The following DMXL1 variants were observed in gnomAD, a reference collection of about 807,000 sequenced individuals.
DMXL1 encodes Dmx like 1, also known as dmX-like protein 1.
A neutral mutation model predicts 319.2 loss-of-function variants in DMXL1; 99 were observed. The observed-to-expected ratio is 0.31, with a 90% confidence interval of 0.26 to 0.37. DMXL1 has a LOEUF of 0.37. DMXL1 is among the 10% of genes least tolerant of loss of function. The pLI, the probability that DMXL1 is intolerant of heterozygous loss-of-function variation, is 1.00. For synonymous variants in DMXL1, 1,385 were observed against 1,235.2 expected, an observed-to-expected ratio of 1.12 and a Z score of -2.54; for missense variants, 3,745 against 3,595.6, an observed-to-expected ratio of 1.04 and a Z score of -1.06.
chr5:119,238,843 C>A, intron 40 of DMXL1, 146 bp from the exon 41 acceptor site: 1 of 1,422,348 alleles, frequency 7.0e-7, no homozygotes, highest in Non-Finnish European at 9.2e-7. Flanking sequence ...ATTACTTTTA[C>A]AATTTTTCTA....
At chr5:119,119,859 T>A (rs1761656431) in intron 8 of DMXL1, among the ~76,000 whole-genome samples, 1 of 149,912 alleles carries the variant, frequency 6.7e-6, no homozygotes, top group South Asian at 2.1e-4. Flanking sequence ...TTTTGTGGAT[T>A]TTTTTTTTGG....
intron 1 of DMXL1, among the ~76,000 whole-genome samples, chr5:119,095,147 G>C (rs1487525887): frequency 6.6e-6 from 1 of 152,254 alleles, no homozygotes; most frequent in South Asian, 2.1e-4. Context: ...GAGCCACCAT[G>C]CTCAGCCAAG....
At chr5:119,211,809 A>C (rs1472296771) in intron 34 of DMXL1, among the ~76,000 whole-genome samples, 1 of 152,202 alleles carries the variant, frequency 6.6e-6, no homozygotes, top group Non-Finnish European at 1.5e-5. Context: ...CCAGGGTCTC[A>C]GTCACTTTTT....
intron 23 of DMXL1, 118 bp downstream of exon 23, chr5:119,167,982 A>C (rs1367179010): frequency 1.0e-6 from 1 of 1,001,196 alleles, no homozygotes; most frequent in Admixed American, 3.8e-5. Context: ...TGGTCTTTAT[A>C]ACAGTTTTTG....
chr5:119,171,152 C>T lies in DMXL1; in HGVS notation c.6361C>T (p.Gln2121Ter). The change falls in exon 24 of 44, where the codon CAG becomes TAG. Residue 2121 changes from glutamine (Q) to a stop codon, truncating the protein, a stop_gained. Transcript: ENST00000539542. LOFTEE classifies it high-confidence loss of function. ...QLRENFQEKR[Q>*]WLLKYQSLLR... Reference sequence around the variant, plus strand: ...GAGAGAAAATTTTCAGGAAAAAAGACAGTGGCTCTTGAAGTATCAGTCACT... The same window carrying T: ...GAGAGAAAATTTTCAGGAAAAAAGATAGTGGCTCTTGAAGTATCAGTCACT... 1 of 1,613,974 alleles carries T rather than the reference C, an allele frequency of 6.2e-7. No individual in the cohort carries two copies. Among genetic ancestry groups the T allele is most frequent in the Non-Finnish European group, 8.5e-7 (1 of 1,179,896 alleles).
chr5:119,167,522 C>G (rs1773676631), intron 22 of DMXL1, 81 bp from the exon 23 acceptor site: 1 of 1,127,624 alleles, frequency 8.9e-7, no homozygotes, highest in African/African-American at 1.6e-5. Flanking sequence ...TTATATTTTT[C>G]TAGTTATTAG....
At chr5:119,159,462 T>C (rs1771787232) in intron 19 of DMXL1, among the ~76,000 whole-genome samples, 1 of 152,240 alleles carries the variant, frequency 6.6e-6, no homozygotes, top group South Asian at 2.1e-4. Flanking sequence ...GATATTTTAT[T>C]TTTTCATATT....
intron 1 of DMXL1, among the ~76,000 whole-genome samples, chr5:119,095,061 C>T (rs1444975437): frequency 1.3e-5 from 2 of 151,890 alleles, no homozygotes; most frequent in Non-Finnish European, 2.9e-5. Context: ...TGCCATGTTG[C>T]CCAAGCTAGT....
intron 28 of DMXL1, among the ~76,000 whole-genome samples, chr5:119,181,837 A>G (rs374477684): frequency 3.9e-4 from 59 of 151,832 alleles, no homozygotes; most frequent in African/African-American, 1.4e-3. Flanking sequence ...AGGAGCAGGC[A>G]GAAAGAGGAA....
chr5:119,082,325 G>T (rs1561536457), intron 1 of DMXL1, among the ~76,000 whole-genome samples: 1 of 151,594 alleles, frequency 6.6e-6, no homozygotes, highest in Non-Finnish European at 1.5e-5. Context: ...CCAGGTTGGA[G>T]TGCAATAGTG....
chr5:119,244,262 A>C, intron 42 of DMXL1, 97 bp from the exon 43 acceptor site: 3 of 848,820 alleles, frequency 3.5e-6, no homozygotes, highest in Non-Finnish European at 5.5e-6. Context: ...TTCAGGCAGG[A>C]TTGCAAATCT....
chr5:119,099,515 AT>A (rs1260551617), intron 2 of DMXL1, among the ~76,000 whole-genome samples: 1 of 151,932 alleles, frequency 6.6e-6, no homozygotes, highest in Non-Finnish European at 1.5e-5. Flanking sequence ...TATCCTTGAG[AT>A]TTTTATTTTC....
chr5:119,243,751 C>G (rs1789232407), intron 42 of DMXL1, among the ~76,000 whole-genome samples: 1 of 151,890 alleles, frequency 6.6e-6, no homozygotes, highest in African/African-American at 2.4e-5. Context: ...ATTTCCTTAC[C>G]TACTAATTCT....
Position 119,152,020 on chromosome 5 carries a change from T to G in DMXL1, c.4686T>G (p.Ala1562=). The change falls in exon 19 of 44, where the codon GCT becomes GCG. Residue 1562 remains alanine, a synonymous_variant. Coordinates refer to ENST00000539542, the MANE Select transcript of DMXL1 (RefSeq NM_001290321.3). ...CAACTTCCCTTCCAGCCTATCGAGCTCAACTCCTTCACCAAGGTGATTTTG... is the reference window on the plus strand; with the variant it reads ...CAACTTCCCTTCCAGCCTATCGAGCGCAACTCCTTCACCAAGGTGATTTTG... The part of the protein sequence containing the change: ...FLTTSLPAYR[A]QLLHQGLSTS... 6.2e-7 allele frequency: 1 copy of G among 1,610,408 alleles called. No homozygotes were observed. Among genetic ancestry groups the G allele is most frequent in the Admixed American group, 1.7e-5 (1 of 59,790 alleles).
chr5:119,241,053 TAACTAC>T (rs1788689123), intron 42 of DMXL1, among the ~76,000 whole-genome samples: 1 of 152,172 alleles, frequency 6.6e-6, no homozygotes, highest in African/African-American at 2.4e-5. Flanking sequence ...CCCCAGAATT[TAACTAC>T]TAATAGCCTA....
intron 42 of DMXL1, among the ~76,000 whole-genome samples, chr5:119,241,179 C>T (rs1044173518): frequency 6.6e-6 from 1 of 152,084 alleles, no homozygotes; most frequent in African/African-American, 2.4e-5. Flanking sequence ...TGAGTACATA[C>T]AGTAGTGTAC....
At chr5:119,193,227 G>T (rs1351456147) in intron 29 of DMXL1, among the ~76,000 whole-genome samples, 1 of 152,116 alleles carries the variant, frequency 6.6e-6, no homozygotes, top group African/African-American at 2.4e-5. Flanking sequence ...ACAAGACCCT[G>T]TCTGAGCCGT....
At chr5:119,077,324 A>G (rs1420714094) in intron 1 of DMXL1, among the ~76,000 whole-genome samples, 2 of 152,184 alleles carry the variant, frequency 1.3e-5, no homozygotes, top group African/African-American at 2.4e-5. Context: ...TTATTTGATA[A>G]GCCAGTGCTG....
intron 25 of DMXL1, among the ~76,000 whole-genome samples, chr5:119,173,126 G>A (rs1774921300): frequency 6.6e-6 from 1 of 152,162 alleles, no homozygotes; most frequent in East Asian, 1.9e-4. Flanking sequence ...ATCACCTGAG[G>A]CCAGGAATTC....
Sources: gnomAD v4.1 joint callset for allele counts (sites outside exome capture counted in the v4.1 genomes callset) on GRCh38, gnomAD v4.1.1 for gene constraint, MANE v1.5 for transcripts, NCBI Gene and HGNC (gene_info 2026-07-23, HGNC 2026-07-21) for gene names.